CACNB2: variants seen among roughly 807,000 people sequenced by gnomAD.
The protein encoded by CACNB2 is calcium voltage-gated channel auxiliary subunit beta 2, also known as voltage-dependent L-type calcium channel subunit beta-2.
In CACNB2, 42 loss-of-function variants were observed where a neutral mutation model predicts 73.3. That is an observed-to-expected ratio of 0.57 (90% CI 0.45 to 0.74). The LOEUF (loss-of-function observed/expected upper bound fraction) is 0.74, where lower values mean the gene tolerates loss of function less well. Among genes scored for constraint, CACNB2 ranks in the 30% least tolerant of loss-of-function variants. The pLI is 0.00. For synonymous variants in CACNB2, 348 were observed against 310.3 expected (o/e 1.12, Z -1.28); for missense variants, 940 against 853.0 (o/e 1.10, Z -1.27).
chr10:18,312,298 C>A (rs1589013230), intron 2 of CACNB2, among the ~76,000 whole-genome samples: 1 of 152,138 alleles, frequency 6.6e-6, no homozygotes, highest in South Asian at 2.1e-4. Context: ...TTGAGCCGAA[C>A]TCTCTTAAAC....
intron 5 of CACNB2, 117 bp downstream of exon 5, chr10:18,501,065 G>T: frequency 2.0e-6 from 2 of 1,020,120 alleles, no homozygotes; most frequent in South Asian, 1.4e-5. Context: ...TGGTAATATG[G>T]TTTATTGATA....
chr10:18,363,949 A>ATT (rs529275417), intron 2 of CACNB2, among the ~76,000 whole-genome samples: 7,164 of 139,178 alleles, frequency 0.051, 275 homozygotes, highest in Admixed American at 0.1. Flanking sequence ...AGGCAGTTTA[A>ATT]TTTTTTTTTT....
intron 3 of CACNB2, among the ~76,000 whole-genome samples, chr10:18,424,041 G>A (rs974137802): frequency 9.9e-5 from 15 of 151,502 alleles, no homozygotes; most frequent in Non-Finnish European, 1.0e-4. Context: ...GGGATAAAAA[G>A]AAAAAAAACT....
intron 3 of CACNB2, among the ~76,000 whole-genome samples, chr10:18,436,646 C>A (rs1024513613): frequency 6.6e-6 from 1 of 152,082 alleles, no homozygotes; most frequent in Non-Finnish European, 1.5e-5. Flanking sequence ...CTCAAAAGCA[C>A]CTGAAAAAAT....
At chr10:18,431,951 A>C (rs953608768) in intron 3 of CACNB2, among the ~76,000 whole-genome samples, 1 of 152,110 alleles carries the variant, frequency 6.6e-6, no homozygotes, top group Non-Finnish European at 1.5e-5. Flanking sequence ...TTTTAGTGCA[A>C]ATAGGGTTTC....
chr10:18,419,121 G>C (rs1301461988), intron 3 of CACNB2, among the ~76,000 whole-genome samples: 2 of 152,140 alleles, frequency 1.3e-5, no homozygotes, highest in Non-Finnish European at 2.9e-5. Context: ...AAAGCTCTTT[G>C]GCTATGACAG....
intron 2 of CACNB2, among the ~76,000 whole-genome samples, chr10:18,239,384 C>T (rs2131495439): frequency 6.6e-6 from 1 of 152,198 alleles, no homozygotes; most frequent in Non-Finnish European, 1.5e-5. Context: ...GTTTAGCTCC[C>T]ACTTAGTATT....
intron 2 of CACNB2, among the ~76,000 whole-genome samples, chr10:18,314,657 C>G (rs2040090268): frequency 6.6e-6 from 1 of 151,644 alleles, no homozygotes; most frequent in African/African-American, 2.4e-5. Flanking sequence ...AGTTACCATT[C>G]AAAAACTGTC....
rs375989560 is a variant in CACNB2, at chr10:18,330,349, A to G, written c.214-71575A>G. ...AAAACTCATGACATCAACAAGCTTT[A>G]GTTTAAATAAAAGTTAGATGGCCAG... On this transcript the variant is annotated intron_variant, in intron 2 of 13. Coordinates refer to ENST00000324631, the MANE Select transcript of CACNB2 (RefSeq NM_201596.3). Among the ~76,000 whole-genome samples, 16 of 152,308 alleles carry G rather than the reference A, an allele frequency of 1.1e-4. No individual in the cohort carries two copies. In the South Asian group the frequency reaches 1.4e-3, roughly 14 times the overall value.
At chr10:18,334,180 C>T (rs1276983963) in intron 2 of CACNB2, among the ~76,000 whole-genome samples, 1 of 152,100 alleles carries the variant, frequency 6.6e-6, no homozygotes, top group Non-Finnish European at 1.5e-5. Flanking sequence ...GGGCAAGTGA[C>T]GGGAGCAGGG....
rs2054048399 is a variant in CACNB2 at position 18,541,134 on chromosome 10, T to C, written c.*1410T>C. 6.5e-6 allele frequency: 1 copy of C among 152,700 alleles called. No individual in the cohort carries two copies. The highest frequency in any genetic ancestry group is 2.4e-5 in the African/African-American group (1 of 41,460). The allele number at this position is 152,700 out of a possible 1,614,324, so 9.5% of individuals were successfully genotyped here. A position where few individuals can be genotyped will look rare whatever the true frequency, so the allele number is the denominator to read the frequency against. ...CACTTCAATTTCTAACCTTGCCTAT[T>C]GTTCCTGTTGTTTGTTTACCTCCCA... On this transcript the variant is annotated 3_prime_UTR_variant, in exon 14 of 14. Coordinates refer to ENST00000324631, the MANE Select transcript of CACNB2 (RefSeq NM_201596.3).
At chr10:18,498,300 G>A (rs2049959317) in intron 3 of CACNB2, 55 bp from the exon 4 acceptor site, 21 of 1,606,562 alleles carry the variant, frequency 1.3e-5, no homozygotes, top group Non-Finnish European at 1.6e-5. Context: ...AGGGAAAAAG[G>A]AGGGACAGTG....
At chr10:18,450,355 T>C (rs1001404686) in intron 3 of CACNB2, among the ~76,000 whole-genome samples, 4 of 152,102 alleles carry the variant, frequency 2.6e-5, no homozygotes, top group African/African-American at 9.7e-5. Context: ...TTGCTAAATA[T>C]CTTGTATGCA....
At chr10:18,158,171 T>G (rs2032195875) in intron 2 of CACNB2, among the ~76,000 whole-genome samples, 1 of 152,156 alleles carries the variant, frequency 6.6e-6, no homozygotes, top group Non-Finnish European at 1.5e-5. Flanking sequence ...GTTTTGAGGT[T>G]TGGCGGAGGC....
At chr10:18,513,371 T>C in intron 6 of CACNB2, 1 of 178,806 alleles carries the variant, frequency 5.6e-6, no homozygotes, top group Non-Finnish European at 1.2e-5. Flanking sequence ...ATGGTCAATG[T>C]TGAATTCTTC....
At chr10:18,489,411 A>T (rs1484441550) in intron 3 of CACNB2, among the ~76,000 whole-genome samples, 1 of 150,590 alleles carries the variant, frequency 6.6e-6, no homozygotes, top group Non-Finnish European at 1.5e-5. Flanking sequence ...AAAAAAAAAA[A>T]AAATCTTTCA....
chr10:18,355,017 T>C (rs1465620174), intron 2 of CACNB2, among the ~76,000 whole-genome samples: 2 of 152,222 alleles, frequency 1.3e-5, no homozygotes, highest in Non-Finnish European at 2.9e-5. Flanking sequence ...TAAAATATCA[T>C]GTAAATTACC....
At chr10:18,492,030 T>G (rs939813120) in intron 3 of CACNB2, among the ~76,000 whole-genome samples, 2 of 152,046 alleles carry the variant, frequency 1.3e-5, no homozygotes, top group Non-Finnish European at 2.9e-5. Flanking sequence ...ATCTGGCTTC[T>G]AGGGGAGGCC....
intron 3 of CACNB2, among the ~76,000 whole-genome samples, chr10:18,442,018 G>C (rs555817984): frequency 2.6e-5 from 4 of 152,284 alleles, no homozygotes; most frequent in Admixed American, 6.5e-5. Flanking sequence ...CAAGCTCCTC[G>C]CCTCATAATT....
Sources: allele counts gnomAD v4.1 joint callset (sites outside exome capture counted in the v4.1 genomes callset), GRCh38; gene constraint gnomAD v4.1.1; transcripts MANE v1.5; gene names NCBI Gene and HGNC (gene_info 2026-07-23, HGNC 2026-07-21).